Variants in ALK observed in about 807,000 individuals in gnomAD.
The protein encoded by ALK is ALK tyrosine kinase receptor.
Under a neutral mutation model 163.1 loss-of-function variants are expected in ALK, and 74 were observed. The observed-to-expected ratio is 0.45, with a 90% CI of 0.38 to 0.55. The LOEUF (loss-of-function observed/expected upper bound fraction) is 0.55. ALK is among the 20% of genes least tolerant of loss of function. The pLI, the probability that ALK is intolerant of heterozygous loss-of-function variation, is 0.00. For synonymous variants in ALK, 960 were observed against 843.2 expected (o/e 1.14, Z -2.40); for missense variants, 2,063 against 2,105.3 (o/e 0.98, Z 0.39).
intron 1 of ALK, among the ~76,000 whole-genome samples, chr2:29,876,404 G>T (rs540017350): frequency 1.3e-5 from 2 of 151,634 alleles, no homozygotes; most frequent in East Asian, 3.9e-4. Flanking sequence ...TGATGATGGT[G>T]GTGATGGTGA....
intron 3 of ALK, among the ~76,000 whole-genome samples, chr2:29,612,237 G>C (rs1348512827): frequency 1.3e-5 from 2 of 152,146 alleles, no homozygotes; most frequent in Non-Finnish European, 2.9e-5. Flanking sequence ...TAGCATCTCT[G>C]ATTTTGAAAA....
At chr2:29,508,189 T>C (rs1413806182) in intron 4 of ALK, among the ~76,000 whole-genome samples, 2 of 152,138 alleles carry the variant, frequency 1.3e-5, no homozygotes, top group East Asian at 1.9e-4. Context: ...AAAGTACACG[T>C]GGACCCTCTG....
chr2:29,807,542 T>C (rs530026867), intron 1 of ALK, among the ~76,000 whole-genome samples: 1 of 152,210 alleles, frequency 6.6e-6, no homozygotes, highest in African/African-American at 2.4e-5. Context: ...ATTTGCTGAG[T>C]GAAAGTGACA....
In ALK at chr2:29,739,518, A is replaced by T. The variant is rs1679992172; in HGVS notation, c.668-21821T>A. ...GATTGCAGTGAGCCGAGATTGCGCCACTGCACTCCAGCCTGGGCGACAGTG... is the reference window on the plus strand; with the variant it reads ...GATTGCAGTGAGCCGAGATTGCGCCTCTGCACTCCAGCCTGGGCGACAGTG... On this transcript the variant is annotated intron_variant, in intron 1 of 28. Transcript: ENST00000389048. Among the ~76,000 whole-genome samples the T allele has an allele frequency of 3.3e-5, 5 of 150,864 alleles. 1 individual carries two copies. Among genetic ancestry groups the T allele is most frequent in the Admixed American group, 3.3e-4 (5 of 15,120 alleles).
At chr2:29,353,482 C>CAG (rs1190116870) in intron 5 of ALK, among the ~76,000 whole-genome samples, 1 of 152,186 alleles carries the variant, frequency 6.6e-6, no homozygotes, top group Non-Finnish European at 1.5e-5. Context: ...CCTGAGAACA[C>CAG]AGAGCTTTTA....
intron 1 of ALK, among the ~76,000 whole-genome samples, chr2:29,746,576 C>T (rs1344128996): frequency 6.6e-6 from 1 of 152,188 alleles, no homozygotes; most frequent in African/African-American, 2.4e-5. Flanking sequence ...TAATGTAGCA[C>T]GTGGCTCTCA....
intron 4 of ALK, among the ~76,000 whole-genome samples, chr2:29,500,892 C>G (rs1453941585): frequency 6.6e-6 from 1 of 152,150 alleles, no homozygotes; most frequent in Non-Finnish European, 1.5e-5. Context: ...CTGATTTGCT[C>G]CCTACCACAT....
chr2:29,816,732 G>A (rs1056972167), intron 1 of ALK, among the ~76,000 whole-genome samples: 2 of 152,146 alleles, frequency 1.3e-5, no homozygotes, highest in Non-Finnish European at 2.9e-5. Context: ...AATTGGCTGT[G>A]CCTCTCTGTG....
At chr2:29,541,158 G>A (rs748434471) in intron 3 of ALK, among the ~76,000 whole-genome samples, 16 of 152,136 alleles carry the variant, frequency 1.1e-4, no homozygotes, top group Non-Finnish European at 2.1e-4. Context: ...CTATTCTCAG[G>A]ACTAAAAGAC....
At chr2:29,712,475 G>C (rs1679129980) in intron 2 of ALK, among the ~76,000 whole-genome samples, 1 of 152,210 alleles carries the variant, frequency 6.6e-6, no homozygotes. Context: ...CTGAGGACCA[G>C]AATGGCTGAT....
intron 23 of ALK, among the ~76,000 whole-genome samples, chr2:29,217,122 CGTGTGTGGTGTGTGT>C (rs1471681670): frequency 5.8e-3 from 151 of 25,816 alleles, no homozygotes; most frequent in African/African-American, 0.02. Context: ...GGGGGGGGGG[CGTGTGTGGTGTGTGT>C]GTGTGTGTGT....
chr2:29,610,429 TA>T (rs1193068284), intron 3 of ALK, among the ~76,000 whole-genome samples: 2 of 152,172 alleles, frequency 1.3e-5, no homozygotes, highest in Non-Finnish European at 2.9e-5. Flanking sequence ...CACTTTCATT[TA>T]AAGGGTTTCA....
chr2:29,332,160 C>A (rs1446401274), intron 5 of ALK, among the ~76,000 whole-genome samples: 2 of 151,552 alleles, frequency 1.3e-5, no homozygotes, highest in African/African-American at 4.9e-5. Flanking sequence ...ATGGCACGTG[C>A]CTGTAGTCCC....
At chr2:29,698,018 T>C (rs557174827) in intron 2 of ALK, among the ~76,000 whole-genome samples, 2 of 152,348 alleles carry the variant, frequency 1.3e-5, no homozygotes, top group South Asian at 4.1e-4. Context: ...TACACTTCTA[T>C]TGAGTGTCTT....
At chr2:29,810,919 CA>C (rs1664742090) in intron 1 of ALK, among the ~76,000 whole-genome samples, 1 of 151,974 alleles carries the variant, frequency 6.6e-6, no homozygotes, top group South Asian at 2.1e-4. Context: ...GAAGAAAAGC[CA>C]TGTTAGGACA....
At chr2:29,640,000 C>A (rs1353474643) in intron 3 of ALK, among the ~76,000 whole-genome samples, 1 of 152,156 alleles carries the variant, frequency 6.6e-6, no homozygotes, top group Non-Finnish European at 1.5e-5. Context: ...ATTTTAATCA[C>A]TTAAACTTTT....
At chr2:29,203,705 C>G (rs1230628795) in intron 26 of ALK, among the ~76,000 whole-genome samples, 1 of 151,432 alleles carries the variant, frequency 6.6e-6, no homozygotes, top group African/African-American at 2.4e-5. Context: ...AGGCTGGTCT[C>G]GAACTCCTGA....
intron 3 of ALK, among the ~76,000 whole-genome samples, chr2:29,691,660 TA>T (rs1573559297): frequency 6.6e-6 from 1 of 152,166 alleles, no homozygotes; most frequent in African/African-American, 2.4e-5. Flanking sequence ...TGCTGAGAAG[TA>T]AAAATTTATT....
intron 4 of ALK, among the ~76,000 whole-genome samples, chr2:29,505,923 G>A (rs957189727): frequency 2.0e-5 from 3 of 152,066 alleles, no homozygotes; most frequent in Admixed American, 2.0e-4. Flanking sequence ...TGCATATATT[G>A]TAATAAAACC....
Sources: allele counts gnomAD v4.1 joint callset (sites outside exome capture counted in the v4.1 genomes callset), GRCh38; gene constraint gnomAD v4.1.1; transcripts MANE v1.5; gene names NCBI Gene and HGNC (gene_info 2026-07-23, HGNC 2026-07-21).